The following DOCK2 variants were observed in gnomAD, a reference collection of about 807,000 sequenced individuals.
DOCK2 encodes the protein dedicator of cytokinesis 2, also known as dedicator of cytokinesis protein 2.
DOCK2 carries 87 observed loss-of-function variants against 248.9 expected under a neutral mutation model. The observed-to-expected ratio is 0.35, with a 90% CI of 0.29 to 0.42. The LOEUF is 0.42. Ranked by LOEUF, DOCK2 falls within the 10% of genes least tolerant of loss-of-function variation. The probability of loss-of-function intolerance (pLI) is 1.00; values close to 1 mark genes in which losing one functional copy is unlikely to be tolerated. For synonymous variants in DOCK2, 805 were observed against 821.6 expected, an observed-to-expected ratio of 0.98 and a Z score of 0.35; for missense variants, 1,747 against 2,300.2, an observed-to-expected ratio of 0.76 and a Z score of 4.92.
intron 48 of DOCK2, 149 bp from the exon 49 acceptor site, chr5:170,078,826 A>C: frequency 1.3e-6 from 1 of 787,972 alleles, no homozygotes; most frequent in Non-Finnish European, 2.0e-6. Context: ...TTGCTCCCCA[A>C]ATCCTCTGCC....
chr5:169,888,516 T>C (rs1773102585), intron 27 of DOCK2, among the ~76,000 whole-genome samples: 1 of 152,218 alleles, frequency 6.6e-6, no homozygotes, highest in Admixed American at 6.5e-5. Context: ...TCAGTGTCCA[T>C]TCAGTAGATA....
At chr5:169,799,497 A>G (rs1258518763) in intron 25 of DOCK2, among the ~76,000 whole-genome samples, 1 of 152,224 alleles carries the variant, frequency 6.6e-6, no homozygotes, top group Non-Finnish European at 1.5e-5. Flanking sequence ...CAAACAAAAG[A>G]TTGCAAAATT....
chr5:169,741,631 C>T (rs183272728), intron 22 of DOCK2, among the ~76,000 whole-genome samples: 1 of 152,224 alleles, frequency 6.6e-6, no homozygotes, highest in East Asian at 1.9e-4. Context: ...AGCCAAGTCA[C>T]CTTGGTTTTA....
intron 27 of DOCK2, among the ~76,000 whole-genome samples, chr5:169,868,087 C>T (rs1042862603): frequency 1.3e-5 from 2 of 152,162 alleles, no homozygotes; most frequent in African/African-American, 4.8e-5. Context: ...GGTACCCCCT[C>T]TAAGATTTTA....
rs189119833 is a variant in DOCK2 at position 169,640,815 on chromosome 5, C to A, written c.43+3446C>A. Among the ~76,000 whole-genome samples, 542 of 152,240 alleles carry A rather than the reference C, an allele frequency of 3.6e-3. 1 individual carries two copies. Among genetic ancestry groups the A allele is most frequent in the Admixed American group, 6.2e-3 (95 of 15,288 alleles). ...ATATCCAGGAAAGCTTCTTGCTGTA[C>A]CTGTTGATTCTTATTTGCATCCAGC... On this transcript the variant is annotated intron_variant, in intron 1 of 51. Coordinates refer to ENST00000520908, the MANE Select transcript of DOCK2 (RefSeq NM_004946.3).
chr5:169,810,154 C>A (rs1472190745), intron 26 of DOCK2, among the ~76,000 whole-genome samples: 3 of 152,090 alleles, frequency 2.0e-5, no homozygotes, highest in Non-Finnish European at 4.4e-5. Flanking sequence ...AATGGCAGGG[C>A]CTGATTTCTC....
intron 43 of DOCK2, 189 bp downstream of exon 43, chr5:170,056,957 T>G (rs555371927): frequency 3.1e-5 from 17 of 553,048 alleles, no homozygotes; most frequent in Non-Finnish European, 4.5e-5. Flanking sequence ...TTCTTGAGCC[T>G]TTTTCCCCTT....
At chr5:169,644,298 G>A (rs1222367652) in intron 1 of DOCK2, among the ~76,000 whole-genome samples, 1 of 152,166 alleles carries the variant, frequency 6.6e-6, no homozygotes, top group Non-Finnish European at 1.5e-5. Flanking sequence ...AATGTGGAAG[G>A]AGAGGGACCA....
At chr5:169,650,734 T>G (rs545202099) in intron 1 of DOCK2, among the ~76,000 whole-genome samples, 22 of 152,322 alleles carry the variant, frequency 1.4e-4, no homozygotes, top group Admixed American at 5.2e-4. Flanking sequence ...AACATCCCTT[T>G]GATCCTTGGC....
At chr5:170,059,455 T>C (rs1757252624) in intron 44 of DOCK2, among the ~76,000 whole-genome samples, 1 of 152,176 alleles carries the variant, frequency 6.6e-6, no homozygotes, top group Non-Finnish European at 1.5e-5. Context: ...TCTTCTGTAG[T>C]CATTCCTGCC....
intron 26 of DOCK2, among the ~76,000 whole-genome samples, chr5:169,822,608 C>T (rs1253393358): frequency 6.6e-6 from 1 of 152,018 alleles, no homozygotes; most frequent in East Asian, 1.9e-4. Context: ...CTCTGGGACA[C>T]CTTTAAAGCA....
chr5:169,697,770 C>T (rs1760718144), intron 10 of DOCK2, among the ~76,000 whole-genome samples: 1 of 152,090 alleles, frequency 6.6e-6, no homozygotes, highest in South Asian at 2.1e-4. Context: ...AGTAGCTTTT[C>T]TCAGCCCTCT....
At chr5:169,902,434 G>A (rs1773980078) in intron 27 of DOCK2, among the ~76,000 whole-genome samples, 1 of 152,180 alleles carries the variant, frequency 6.6e-6, no homozygotes, top group Non-Finnish European at 1.5e-5. Flanking sequence ...AGTCCAGCAG[G>A]GCCTTGTGCT....
chr5:169,918,080 TG>T (rs1207200458), intron 27 of DOCK2, among the ~76,000 whole-genome samples: 1 of 152,178 alleles, frequency 6.6e-6, no homozygotes, highest in Non-Finnish European at 1.5e-5. Context: ...CTTCCTATTT[TG>T]GGGGAAAAAG....
At chr5:169,878,982 A>C (rs758721494) in intron 27 of DOCK2, among the ~76,000 whole-genome samples, 2 of 152,192 alleles carry the variant, frequency 1.3e-5, no homozygotes, top group Non-Finnish European at 2.9e-5. Flanking sequence ...CAAGTGTTCA[A>C]TGGTAAGAGG....
rs374772520 is a variant in DOCK2, at chr5:169,781,362, C to A, written c.2554+19737C>A. Among the ~76,000 whole-genome samples the A allele has an allele frequency of 1.6e-4, 24 of 152,304 alleles. No homozygotes were observed. The East Asian group carries it at 3.3e-3, about 21-fold the overall frequency. ...TGTGCTAAGAGCTGGAAAATTTAAA[C>A]TCTAGTCCAGGAAAGCTACTAACAA... is the stretch of plus-strand genomic sequence containing the variant. On this transcript the variant is annotated intron_variant, in intron 25 of 51. Coordinates refer to ENST00000520908, the MANE Select transcript of DOCK2 (RefSeq NM_004946.3).
At chr5:170,071,120 G>C (rs919519072) in intron 46 of DOCK2, among the ~76,000 whole-genome samples, 2 of 152,116 alleles carry the variant, frequency 1.3e-5, no homozygotes, top group Non-Finnish European at 2.9e-5. Flanking sequence ...CCCTAACTAT[G>C]GGCACCCGCA....
intron 14 of DOCK2, among the ~76,000 whole-genome samples, chr5:169,705,112 A>G (rs1442244021): frequency 6.6e-6 from 1 of 152,074 alleles, no homozygotes; most frequent in Non-Finnish European, 1.5e-5. Flanking sequence ...CAGTGAGCTG[A>G]GATCGCACCC....
chr5:169,697,174 A>G (rs530357488), intron 10 of DOCK2, among the ~76,000 whole-genome samples: 2 of 152,320 alleles, frequency 1.3e-5, no homozygotes, highest in South Asian at 2.1e-4. Context: ...TGAAGAGCTT[A>G]TGAATAGATC....
Sources: gnomAD v4.1 joint callset for allele counts (sites outside exome capture counted in the v4.1 genomes callset) on GRCh38, gnomAD v4.1.1 for gene constraint, MANE v1.5 for transcripts, NCBI Gene and HGNC (gene_info 2026-07-23, HGNC 2026-07-21) for gene names.